RBFOX1: variants seen among roughly 807,000 people sequenced by gnomAD.
RBFOX1 encodes RNA binding protein fox-1 homolog 1.
Under a neutral mutation model 57.7 loss-of-function variants are expected in RBFOX1, and 8 were observed. The observed-to-expected ratio is 0.14, with a 90% CI of 0.08 to 0.25. The LOEUF (loss-of-function observed/expected upper bound fraction) is 0.25. Among genes scored for constraint, RBFOX1 ranks in the 10% least tolerant of loss-of-function variants. The probability of loss-of-function intolerance (pLI) is 1.00; values close to 1 mark genes in which losing one functional copy is unlikely to be tolerated. For synonymous variants in RBFOX1, 326 were observed against 222.4 expected, an observed-to-expected ratio of 1.47 and a Z score of -4.15; for missense variants, 611 against 548.5, an observed-to-expected ratio of 1.11 and a Z score of -1.14.
At chr16:5,611,719 T>TCCATCCATCCATCC (rs2047801150) in intron 3 of RBFOX1, among the ~76,000 whole-genome samples, 2 of 114,584 alleles carry the variant, frequency 1.7e-5, no homozygotes, top group Admixed American at 9.0e-5. Flanking sequence ...TCCATCCATC[T>TCCATCCATCCATCC]ATCCATCCAT....
At chr16:6,994,004 G>C (rs1050354620) in intron 3 of RBFOX1, among the ~76,000 whole-genome samples, 1 of 152,126 alleles carries the variant, frequency 6.6e-6, no homozygotes, top group Non-Finnish European at 1.5e-5. Flanking sequence ...AGAAGTATGT[G>C]GTTTAATTAC....
intron 12 of RBFOX1, among the ~76,000 whole-genome samples, chr16:7,664,556 G>T: frequency 6.6e-6 from 1 of 152,038 alleles, no homozygotes; most frequent in East Asian, 1.9e-4. Flanking sequence ...GTGGGGTAGG[G>T]GGCTATGTGG....
intron 4 of RBFOX1, among the ~76,000 whole-genome samples, chr16:7,423,608 G>A (rs577487154): frequency 3.2e-4 from 48 of 152,238 alleles, no homozygotes; most frequent in African/African-American, 1.1e-3. Context: ...CTGACTGTGG[G>A]CACAGGGGAG....
chr16:6,871,615 C>T (rs776644124), intron 3 of RBFOX1, among the ~76,000 whole-genome samples: 10 of 152,078 alleles, frequency 6.6e-5, no homozygotes, highest in Non-Finnish European at 1.3e-4. Flanking sequence ...TTCTCCTGGC[C>T]AAAGCCACTC....
intron 4 of RBFOX1, among the ~76,000 whole-genome samples, chr16:7,349,283 T>C (rs2097082604): frequency 6.6e-6 from 1 of 152,178 alleles, no homozygotes; most frequent in Non-Finnish European, 1.5e-5. Flanking sequence ...ACTTGCCTTG[T>C]CAGCTCTCAT....
chr16:6,209,959 G>C (rs955507960), intron 1 of RBFOX1, among the ~76,000 whole-genome samples: 4 of 151,988 alleles, frequency 2.6e-5, no homozygotes. Context: ...TAGACTTTTT[G>C]TTTGTTTTTT....
intron 4 of RBFOX1, among the ~76,000 whole-genome samples, chr16:5,944,964 TAAAAAA>T (rs386384118): frequency 2.3e-4 from 11 of 48,054 alleles, no homozygotes; most frequent in East Asian, 1.9e-3. Flanking sequence ...GACTCTGTCA[TAAAAAA>T]AAAAAAAAAA....
intron 4 of RBFOX1, among the ~76,000 whole-genome samples, chr16:7,395,332 A>C (rs1336376742): frequency 1.3e-5 from 2 of 152,200 alleles, no homozygotes; most frequent in African/African-American, 4.8e-5. Context: ...TTACTTAGAA[A>C]CTCAGCAGAT....
chr16:7,413,220 C>G (rs1393186909), intron 4 of RBFOX1, among the ~76,000 whole-genome samples: 1 of 152,122 alleles, frequency 6.6e-6, no homozygotes, highest in African/African-American at 2.4e-5. Flanking sequence ...GACACCTTGA[C>G]ATCACTACCC....
At chr16:7,139,343 C>T (rs1470163701) in intron 4 of RBFOX1, among the ~76,000 whole-genome samples, 4 of 152,146 alleles carry the variant, frequency 2.6e-5, no homozygotes, top group Admixed American at 6.6e-5. Flanking sequence ...GCAAAAGCTT[C>T]TTACAGACAG....
At chr16:7,422,870 G>A (rs1387109035) in intron 4 of RBFOX1, 1 of 152,058 alleles carries the variant, frequency 6.6e-6, no homozygotes, top group Non-Finnish European at 1.5e-5. Flanking sequence ...TATTCCTGAT[G>A]CTTTTTCTTC....
chr16:7,260,232 A>G (rs2094864193), intron 4 of RBFOX1, among the ~76,000 whole-genome samples: 1 of 152,234 alleles, frequency 6.6e-6, no homozygotes, highest in Non-Finnish European at 1.5e-5. Context: ...TTGCATATAG[A>G]ACAAATAAGA....
intron 4 of RBFOX1, among the ~76,000 whole-genome samples, chr16:7,246,060 A>C (rs1459738998): frequency 6.6e-6 from 1 of 152,192 alleles, no homozygotes; most frequent in East Asian, 1.9e-4. Context: ...TAATTCCACA[A>C]CTGTTAAGTA....
intron 3 of RBFOX1, among the ~76,000 whole-genome samples, chr16:6,798,700 A>G (rs1318566486): frequency 2.0e-5 from 3 of 152,184 alleles, no homozygotes; most frequent in Admixed American, 6.5e-5. Flanking sequence ...AGTTGTTTAT[A>G]TGAACTAAAA....
chr16:6,788,484 AT>A (rs1229748491), intron 3 of RBFOX1, among the ~76,000 whole-genome samples: 1 of 149,326 alleles, frequency 6.7e-6, no homozygotes, highest in African/African-American at 2.5e-5. Flanking sequence ...TTTATTTTTT[AT>A]TTTTTTGAGA....
chr16:7,363,242 G>T (rs1462555528), intron 4 of RBFOX1, among the ~76,000 whole-genome samples: 1 of 152,272 alleles, frequency 6.6e-6, no homozygotes, highest in Admixed American at 6.5e-5. Context: ...TTTGTCTGTT[G>T]TGTTACTGGG....
At chr16:7,068,302 A>G (rs761377244) in intron 4 of RBFOX1, among the ~76,000 whole-genome samples, 1 of 152,168 alleles carries the variant, frequency 6.6e-6, no homozygotes, top group South Asian at 2.1e-4. Context: ...CTGATTCTCC[A>G]TGTGTATTCA....
In RBFOX1 at chr16:7,017,213, C is replaced by T. The variant is rs13331130; in HGVS notation, c.-15-34844C>T. Among the ~76,000 whole-genome samples the T allele has an allele frequency of 2.5e-3, 374 of 152,250 alleles. 2 individuals are homozygous for T. Among genetic ancestry groups the T allele is most frequent in the African/African-American group, 8.6e-3 (358 of 41,554 alleles). Reference sequence around the variant, plus strand: ...TTCAAGTGTTGGCGAAGTTTCCCTTCAGGGAATGGGAGCTATCTAAACAAA... The same window carrying T: ...TTCAAGTGTTGGCGAAGTTTCCCTTTAGGGAATGGGAGCTATCTAAACAAA... On this transcript the variant is annotated intron_variant, in intron 3 of 15. Coordinates refer to ENST00000550418, the MANE Select transcript of RBFOX1 (RefSeq NM_018723.4).
chr16:5,906,384 A>G (rs1333583601), intron 4 of RBFOX1, among the ~76,000 whole-genome samples: 1 of 152,254 alleles, frequency 6.6e-6, no homozygotes, highest in Non-Finnish European at 1.5e-5. Context: ...ATGTTTCTGC[A>G]AAGAATTCCA....
Sources: gnomAD v4.1 joint callset for allele counts (sites outside exome capture counted in the v4.1 genomes callset) on GRCh38, gnomAD v4.1.1 for gene constraint, MANE v1.5 for transcripts, NCBI Gene and HGNC (gene_info 2026-07-23, HGNC 2026-07-21) for gene names.